The following ADGRL2 variants were observed in gnomAD, a reference collection of about 807,000 sequenced individuals.
ADGRL2 encodes adhesion G protein-coupled receptor L2, also known as calcium-independent alpha-latrotoxin receptor 2.
A neutral mutation model predicts 157.4 loss-of-function variants in ADGRL2; 44 were observed. That is an observed-to-expected ratio of 0.28 (90% CI 0.22 to 0.36). The LOEUF is 0.36. ADGRL2 is among the 10% of genes least tolerant of loss of function. The probability of loss-of-function intolerance (pLI) is 1.00; values close to 1 mark genes in which losing one functional copy is unlikely to be tolerated. For missense variants in ADGRL2, 1,510 were observed against 1,768.9 expected, an observed-to-expected ratio of 0.85 and a Z score of 2.63; for synonymous variants, 585 against 624.7, an observed-to-expected ratio of 0.94 and a Z score of 0.95.
At chr1:81,622,251 A>G (rs1200027940) in intron 3 of ADGRL2, among the ~76,000 whole-genome samples, 1 of 152,160 alleles carries the variant, frequency 6.6e-6, no homozygotes, top group Non-Finnish European at 1.5e-5. Context: ...ATGTATATAT[A>G]TGTGTCCAAA....
In ADGRL2 at chr1:81,705,704, G is replaced by A. The variant is rs185529477; in HGVS notation, c.-143+5896G>A. 1.0e-3 allele frequency among the ~76,000 whole-genome samples: 154 copies of A among 150,902 alleles called. 1 individual carries two copies. The Middle Eastern group carries it at 0.011, about 10-fold the overall frequency. ...GGCTGCAATGGGAGGATCGCTTGAG[G>A]CCAGGAGTTTGAGACTGGCCTAGGC... On this transcript the variant is annotated intron_variant, in intron 1 of 20. Coordinates refer to the ADGRL2 transcript ENST00000359929.
chr1:81,843,978 G>A (rs1000234313), intron 2 of ADGRL2, among the ~76,000 whole-genome samples: 4 of 151,954 alleles, frequency 2.6e-5, no homozygotes, highest in African/African-American at 9.7e-5. Context: ...TCTGTTGTTG[G>A]CGGAAAAAGT....
chr1:81,794,228 C>T (rs901470788), intron 2 of ADGRL2, among the ~76,000 whole-genome samples: 4 of 152,070 alleles, frequency 2.6e-5, no homozygotes, highest in Non-Finnish European at 5.9e-5. Context: ...AATTGGGCTA[C>T]TAATTAGGGT....
intron 1 of ADGRL2, among the ~76,000 whole-genome samples, chr1:81,730,024 CAA>C (rs2084667029): frequency 1.3e-5 from 2 of 152,140 alleles, no homozygotes; most frequent in African/African-American, 4.8e-5. Flanking sequence ...CTAAGACAGA[CAA>C]AGATGTCAAA....
intron 11 of ADGRL2, among the ~76,000 whole-genome samples, chr1:81,962,835 T>A (rs1655878528): frequency 6.6e-6 from 1 of 152,182 alleles, no homozygotes; most frequent in South Asian, 2.1e-4. Flanking sequence ...GCTTTGGTTT[T>A]TTCAGTAATG....
chr1:81,691,189 G>A (rs538270417), intron 3 of ADGRL2, among the ~76,000 whole-genome samples: 54 of 152,276 alleles, frequency 3.5e-4, no homozygotes, highest in African/African-American at 1.3e-3. Context: ...AGACAAATGA[G>A]ATAAATCCTG....
chr1:81,483,716 C>G (rs777927487), intron 2 of ADGRL2, among the ~76,000 whole-genome samples: 1 of 152,096 alleles, frequency 6.6e-6, no homozygotes, highest in South Asian at 2.1e-4. Context: ...CCAGGTTATT[C>G]CTTACATTGG....
intron 1 of ADGRL2, among the ~76,000 whole-genome samples, chr1:81,741,326 T>A (rs957821616): frequency 6.6e-6 from 1 of 152,058 alleles, no homozygotes; most frequent in Non-Finnish European, 1.5e-5. Context: ...GAAAACCTAC[T>A]GGGCAGTATA....
intron 1 of ADGRL2, among the ~76,000 whole-genome samples, chr1:81,729,269 C>A (rs1445617689): frequency 6.6e-6 from 1 of 151,864 alleles, no homozygotes; most frequent in Non-Finnish European, 1.5e-5. Flanking sequence ...AGTGTTTTGC[C>A]ATTTGTCCCT....
intron 3 of ADGRL2, among the ~76,000 whole-genome samples, chr1:81,646,003 T>G (rs1253578674): frequency 6.6e-6 from 1 of 152,160 alleles, no homozygotes; most frequent in African/African-American, 2.4e-5. Flanking sequence ...ATCAAAAAAC[T>G]TAAGTCACTC....
At chr1:81,785,177 A>G (rs2149395052) in intron 2 of ADGRL2, among the ~76,000 whole-genome samples, 1 of 152,324 alleles carries the variant, frequency 6.6e-6, no homozygotes, top group Admixed American at 6.5e-5. Context: ...TTGTTTTACT[A>G]AAGTTTTAAT....
intron 2 of ADGRL2, among the ~76,000 whole-genome samples, chr1:81,766,458 G>A (rs1157390857): frequency 1.3e-5 from 2 of 152,038 alleles, no homozygotes; most frequent in African/African-American, 2.4e-5. Context: ...GTATTACATA[G>A]TTTAGAAGGT....
rs116600750 is a variant in ADGRL2 at position 81,471,324 on chromosome 1, T to C, written c.-248+26235T>C. ...TTTTCTTGTCAATACCTTAGCATTA[T>C]TTAGTATTATGTATACTTTGCCCAT... On this transcript the variant is annotated intron_variant, in intron 2 of 24. Coordinates refer to the ADGRL2 transcript ENST00000370721. Among the ~76,000 whole-genome samples the C allele has an allele frequency of 2.5e-3, 382 of 152,324 alleles. 2 individuals are homozygous for C. The highest frequency in any genetic ancestry group is 8.8e-3 in the African/African-American group (367 of 41,570).
At chr1:81,420,112 T>C (rs771253611) in intron 1 of ADGRL2, among the ~76,000 whole-genome samples, 1 of 152,184 alleles carries the variant, frequency 6.6e-6, no homozygotes, top group Non-Finnish European at 1.5e-5. Context: ...TAACCTGTAA[T>C]CTACTTTTCA....
chr1:81,725,745 C>T (rs1456064705), intron 1 of ADGRL2, among the ~76,000 whole-genome samples: 1 of 152,150 alleles, frequency 6.6e-6, no homozygotes, highest in Non-Finnish European at 1.5e-5. Flanking sequence ...TAAAATTCCT[C>T]TTCTGAAAAT....
At chr1:81,377,365 C>T (rs1028758378) in intron 1 of ADGRL2, among the ~76,000 whole-genome samples, 7 of 152,028 alleles carry the variant, frequency 4.6e-5, no homozygotes, top group Non-Finnish European at 8.8e-5. Flanking sequence ...AATCAATTCT[C>T]GGTAAATGGT....
chr1:81,426,574 G>A lies in ADGRL2; in HGVS notation c.-301-18462G>A. 2 of 464,054 alleles carry A rather than the reference G, an allele frequency of 4.3e-6. 1 individual carries two copies. The highest frequency in any genetic ancestry group is 3.1e-5 in the South Asian group (2 of 63,612). 28.7% of individuals were successfully genotyped at this position (464,054 alleles called of 1,614,324 possible). A position where few individuals can be genotyped will look rare whatever the true frequency, so the allele number is the denominator to read the frequency against. Reference sequence around the variant, plus strand: ...GAGTAGTTGGGAAAACTGTTTATTGGTGTTCTGAGCTTTGAAACGACAGAT... The same window carrying A: ...GAGTAGTTGGGAAAACTGTTTATTGATGTTCTGAGCTTTGAAACGACAGAT... On this transcript the variant is annotated intron_variant, in intron 1 of 24. Transcript: ENST00000370721.
intron 1 of ADGRL2, among the ~76,000 whole-genome samples, chr1:81,355,205 A>T (rs990769889): frequency 6.6e-6 from 1 of 152,142 alleles, no homozygotes; most frequent in African/African-American, 2.4e-5. Context: ...ACACATTAAA[A>T]AAAATTGGCT....
intron 2 of ADGRL2, among the ~76,000 whole-genome samples, chr1:81,534,316 C>G (rs1220837810): frequency 3.3e-5 from 5 of 152,118 alleles, no homozygotes; most frequent in Non-Finnish European, 7.3e-5. Flanking sequence ...CACGAGGCAC[C>G]TTGCCTGGCT....
Sources: allele counts gnomAD v4.1 joint callset (sites outside exome capture counted in the v4.1 genomes callset), GRCh38; gene constraint gnomAD v4.1.1; transcripts MANE v1.5; gene names NCBI Gene and HGNC (gene_info 2026-07-23, HGNC 2026-07-21).